ZSCAN25: variants seen among roughly 807,000 people sequenced by gnomAD.
ZSCAN25 encodes zinc finger and SCAN domain-containing protein 25.
A neutral mutation model predicts 38.7 loss-of-function variants in ZSCAN25; 27 were observed. That is an observed-to-expected ratio of 0.70 (90% confidence interval 0.51 to 0.96). ZSCAN25 has a LOEUF of 0.96. ZSCAN25 is among the 40% of genes least tolerant of loss of function. ZSCAN25 has a pLI of 0.00. For missense variants in ZSCAN25, 637 were observed against 705.9 expected (o/e 0.90, Z 1.11); for synonymous variants, 273 against 277.7 (o/e 0.98, Z 0.17).
the ZSCAN25 span, among the ~76,000 whole-genome samples, chr7:99,735,673 C>T: frequency 1.3e-5 from 2 of 152,310 alleles, no homozygotes; most frequent in East Asian, 3.9e-4. Context: ...GTAACCATTT[C>T]CTCCCCTGGG....
the ZSCAN25 span, among the ~76,000 whole-genome samples, chr7:99,727,277 A>G: frequency 2.0e-5 from 3 of 152,172 alleles, no homozygotes; most frequent in Admixed American, 2.0e-4. Context: ...GCTGGTCATC[A>G]TGTCTCTGTG....
the ZSCAN25 span, chr7:99,660,242 T>TTAA: frequency 1.0e-6 from 1 of 973,132 alleles, no homozygotes; most frequent in Non-Finnish European, 1.2e-6. Context: ...TTTTTTTTTT[T>TTAA]TTTACTTAGC....
chr7:99,647,090 C>T, the ZSCAN25 span, among the ~76,000 whole-genome samples: 1 of 152,230 alleles, frequency 6.6e-6, no homozygotes, highest in Admixed American at 6.5e-5. Flanking sequence ...TCAATCCCTT[C>T]TATGTAGCCA....
the ZSCAN25 span, chr7:99,663,941 C>G: frequency 6.4e-7 from 1 of 1,560,226 alleles, no homozygotes; most frequent in South Asian, 1.2e-5. Context: ...ACCTAAACAT[C>G]GTCATTTAAC....
the ZSCAN25 span, chr7:99,671,997 A>G: frequency 8.1e-6 from 5 of 613,550 alleles, no homozygotes; most frequent in Non-Finnish European, 1.5e-5. Flanking sequence ...AATTTCCTGT[A>G]CTATAGTATT....
At chr7:99,730,940 G>A in the ZSCAN25 span, 5 of 1,341,674 alleles carry the variant, frequency 3.7e-6, no homozygotes, top group South Asian at 5.2e-5. Context: ...ATGCCTACAC[G>A]CTATTTCTGA....
the ZSCAN25 span, chr7:99,676,243 T>G: frequency 1.2e-6 from 2 of 1,612,036 alleles, no homozygotes; most frequent in African/African-American, 2.7e-5. Flanking sequence ...TCACAGGGAT[T>G]GTGACTTTAT....
the ZSCAN25 span, chr7:99,672,794 AC>A: frequency 6.5e-7 from 1 of 1,547,546 alleles, no homozygotes; most frequent in Non-Finnish European, 8.7e-7. Flanking sequence ...CCCTAGTTGT[AC>A]GACACACAGC....
the ZSCAN25 span, chr7:99,707,690 A>T: frequency 6.7e-6 from 10 of 1,485,396 alleles, no homozygotes; most frequent in Admixed American, 2.0e-5. Flanking sequence ...GTCCAAATAG[A>T]TTCCTTGGCC....
chr7:99,652,592 G>A, the ZSCAN25 span: 2 of 1,613,786 alleles, frequency 1.2e-6, no homozygotes, highest in East Asian at 2.2e-5. Context: ...CCAGTACTTT[G>A]GGTCATGGTG....
intron 5 of ZSCAN25, 154 bp downstream of exon 5, chr7:99,621,728 G>A: frequency 1.9e-6 from 1 of 531,264 alleles, no homozygotes; most frequent in Non-Finnish European, 3.0e-6. Flanking sequence ...GGAAATAGAT[G>A]AAGTGAAATT....
rs1303617120 is a variant in ZSCAN25, at chr7:99,629,858, C to T, written c.1473C>T (p.Cys491=). Residue 491 remains cysteine (C), a synonymous_variant, in exon 8 of 8, where the codon TGC becomes TGT. Coordinates refer to ENST00000394152, the MANE Select transcript of ZSCAN25 (RefSeq NM_145115.3). The surrounding 1 kb of genome is among the most constrained non-coding windows in gnomAD (Gnocchi z 5.6). ...TGEKPYGCQV[C]GKRFSKGERL... is the part of the protein sequence containing the mutation. The stretch of plus-strand genomic sequence containing the variant: ...AGAAGCCATATGGGTGCCAGGTGTG[C>T]GGGAAGCGGTTCAGCAAAGGGGAGC... 6.8e-6 allele frequency: 11 copies of T among 1,614,156 alleles called. No homozygotes were observed. Among genetic ancestry groups the T allele is most frequent in the Middle Eastern group, 1.7e-4 (1 of 6,060 alleles).
chr7:99,662,722 C>A, the ZSCAN25 span: 2 of 1,263,698 alleles, frequency 1.6e-6, no homozygotes, highest in Non-Finnish European at 2.3e-6. This position sits in a 1 kb window ranked among gnomAD's most constrained non-coding sequence, Gnocchi z 4.3. Context: ...GGCAAAAATT[C>A]TCATCTTCCT....
chr7:99,664,017 C>T, the ZSCAN25 span: 2 of 1,598,950 alleles, frequency 1.3e-6, no homozygotes, highest in Non-Finnish European at 1.7e-6. Context: ...TACAGATTTA[C>T]TTAAAAAATT....
At chr7:99,731,503 C>A in the ZSCAN25 span, among the ~76,000 whole-genome samples, 1 of 152,198 alleles carries the variant, frequency 6.6e-6, no homozygotes, top group Non-Finnish European at 1.5e-5. Context: ...AGTAAGTGGA[C>A]TCTTCCCTGA....
At chr7:99,621,333 C>T in intron 4 of ZSCAN25, 40 bp from the exon 5 acceptor site, 2 of 1,322,330 alleles carry the variant, frequency 1.5e-6, no homozygotes, top group African/African-American at 1.5e-5. Context: ...AACAGCCTTG[C>T]CCAGGCCTCA....
the ZSCAN25 span, among the ~76,000 whole-genome samples, chr7:99,642,973 C>T: frequency 6.6e-6 from 1 of 152,142 alleles, no homozygotes; most frequent in African/African-American, 2.4e-5. Context: ...GAAAGGACCA[C>T]ATAGGAGATA....
At chr7:99,644,583 C>T in the ZSCAN25 span, among the ~76,000 whole-genome samples, 1 of 152,140 alleles carries the variant, frequency 6.6e-6, no homozygotes, top group Non-Finnish European at 1.5e-5. Context: ...TCCTCCGCCA[C>T]GCCCTTTGCA....
At chr7:99,636,426 GTTTTAC>G (rs1808286302), downstream of ZSCAN25, among the ~76,000 whole-genome samples, 1 of 152,144 alleles carries the variant, frequency 6.6e-6, no homozygotes, top group African/African-American at 2.4e-5. Context: ...TTTGTCAAGA[GTTTTAC>G]TTTAAATAGT....
Sources: gnomAD v4.1 joint callset for allele counts (sites outside exome capture counted in the v4.1 genomes callset) on GRCh38, gnomAD v4.1.1 for gene constraint, Gnocchi (gnomAD v3.1) non-coding constraint, MANE v1.5 for transcripts, NCBI Gene and HGNC (gene_info 2026-07-23, HGNC 2026-07-21) for gene names.